DDX18: variants seen among roughly 807,000 people sequenced by gnomAD.
DDX18 encodes DEAD-box helicase 18.
DDX18 carries 23 observed loss-of-function variants against 73.5 expected under a neutral mutation model. The ratio of observed to expected loss-of-function variants is 0.31; its 90% CI spans 0.23 to 0.44. The LOEUF is 0.44. Among genes scored for constraint, DDX18 ranks in the 20% least tolerant of loss-of-function variants. The pLI is 1.00. For synonymous variants in DDX18, 268 were observed against 282.7 expected, an observed-to-expected ratio of 0.95 and a Z score of 0.52; for missense variants, 753 against 792.9, an observed-to-expected ratio of 0.95 and a Z score of 0.60.
At chr2:117,817,783 T>C in intron 2 of DDX18, 55 bp downstream of exon 2, 2 of 1,521,378 alleles carry the variant, frequency 1.3e-6, no homozygotes, top group East Asian at 2.3e-5. Flanking sequence ...AGACGGTTAT[T>C]GTTCCTCTTT....
chr2:117,828,361 T>C (rs545912912), intron 11 of DDX18: 1 of 152,302 alleles, frequency 6.6e-6, no homozygotes, highest in African/African-American at 2.4e-5. Context: ...AGGGCTAATA[T>C]CCAGAATCTA....
rs1309897011 is a variant in DDX18 at position 117,821,216 on chromosome 2, T to G, written c.570T>G (p.Thr190=). 4 of 1,611,552 alleles carry G rather than the reference T, an allele frequency of 2.5e-6. No individual in the cohort carries two copies. The highest frequency in any genetic ancestry group is 2.5e-6 in the Non-Finnish European group (3 of 1,178,912). The part of the protein sequence containing the change: ...ASLCNLVNEN[T]LKAIKEMGFT... ...TATGTAATCTTGTCAATGAAAACAC[T>G]CTGAAGGCAATAAAAGAAATGGGTT... The change falls in exon 4 of 14, where the codon ACT becomes ACG. Residue 190 remains threonine, a synonymous_variant. Coordinates refer to ENST00000263239, the MANE Select transcript of DDX18 (RefSeq NM_006773.4).
chr2:117,819,573 T>C (rs1306901767), intron 2 of DDX18, 76 bp from the exon 3 acceptor site: 5 of 1,256,234 alleles, frequency 4.0e-6, no homozygotes, highest in Non-Finnish European at 5.4e-6. Flanking sequence ...ATATCAGAGA[T>C]CTTCTGTTTG....
chr2:117,815,079 T>C (rs1307038132), intron 1 of DDX18: 3 of 583,364 alleles, frequency 5.1e-6, no homozygotes, highest in Non-Finnish European at 9.2e-6. Flanking sequence ...GAGCAATCAG[T>C]GTCTTCTTAC....
At chr2:117,826,602 C>G (rs1301545947) in intron 11 of DDX18, 1 of 558,390 alleles carries the variant, frequency 1.8e-6, no homozygotes, top group African/African-American at 1.9e-5. Flanking sequence ...CCCAGCAACA[C>G]CTCTGTGTCC....
chr2:117,817,805 G>C, intron 2 of DDX18, 77 bp downstream of exon 2: 1 of 1,434,712 alleles, frequency 7.0e-7, no homozygotes, highest in Non-Finnish European at 9.4e-7. Flanking sequence ...TATTACTATT[G>C]TGTGCACATG....
chr2:117,821,692 G>A lies in DDX18; in HGVS notation c.693G>A (p.Leu231=). Residue 231 remains leucine (L), a synonymous_variant, in exon 5 of 14, where the codon CTG becomes CTA. Transcript: ENST00000263239. ...AAAKTGSGKT[L]AFLIPAVELI... is the part of the protein sequence containing the mutation. ...CAAAAACAGGCAGTGGTAAAACCCT[G>A]GCTTTTCTCATCCCTGCAGTTGAAC... 6.2e-7 allele frequency: 1 copy of A among 1,614,000 alleles called. No individual in the cohort carries two copies. The highest frequency in any genetic ancestry group is 1.1e-5 in the South Asian group (1 of 91,084).
intron 13 of DDX18, 74 bp from the exon 14 acceptor site, chr2:117,830,507 GT>G: frequency 2.0e-6 from 3 of 1,529,784 alleles, no homozygotes; most frequent in Non-Finnish European, 1.8e-6. Flanking sequence ...GTTCATGCCG[GT>G]TTTTTTCTCT....
chr2:117,816,856 G>A (rs1324871119), intron 1 of DDX18, among the ~76,000 whole-genome samples: 1 of 152,176 alleles, frequency 6.6e-6, no homozygotes, highest in Non-Finnish European at 1.5e-5. Flanking sequence ...TTTTAGCTCC[G>A]TTATAATCTT....
chr2:117,829,359 G>C lies in DDX18; in HGVS notation c.1763G>C (p.Arg588Pro). ...CAGGAAGCATATAAGTCATACATACGAGCCTATGATTCCCATTCTCTGAAA... is the reference window on the plus strand; with the variant it reads ...CAGGAAGCATATAAGTCATACATACCAGCCTATGATTCCCATTCTCTGAAA... ...SAQEAYKSYI[R>P]AYDSHSLKQI... Residue 588 changes from arginine (R) to proline (P), a missense_variant, in exon 13 of 14, where the codon CGA (arginine) becomes CCA (proline). Arg to Pro is a moderately radical substitution (Grantham distance 103). This residue lies in a region of DDX18 where 402 missense variants were observed against 419.4 expected (regional missense o/e 0.96). Coordinates refer to ENST00000263239, the MANE Select transcript of DDX18 (RefSeq NM_006773.4). 2 of 1,613,850 alleles carry C rather than the reference G, an allele frequency of 1.2e-6. No individual in the cohort carries two copies. The highest frequency in any genetic ancestry group is 1.7e-6 in the Non-Finnish European group (2 of 1,179,862).
intron 10 of DDX18, chr2:117,825,983 A>G (rs1679918997): frequency 2.4e-6 from 1 of 416,192 alleles, no homozygotes; most frequent in Non-Finnish European, 4.3e-6. Context: ...GATGAAGCAC[A>G]CATAATACTC....
intron 11 of DDX18, 70 bp from the exon 12 acceptor site, chr2:117,828,879 C>T (rs1240463514): frequency 2.7e-6 from 3 of 1,108,226 alleles, no homozygotes; most frequent in South Asian, 2.6e-5. Flanking sequence ...TCATCCTTCC[C>T]TGTCTTCAGT....
chr2:117,830,920 A>C lies in DDX18; in HGVS notation c.*196A>C. 1.6e-6 allele frequency: 1 copy of C among 621,268 alleles called. No homozygotes were observed. The highest frequency in any genetic ancestry group is 2.7e-6 in the Non-Finnish European group (1 of 375,738). The allele number at this position is 621,268 out of a possible 1,614,324, so 38.5% of individuals were successfully genotyped here. On this transcript the variant is annotated 3_prime_UTR_variant, in exon 14 of 14. Coordinates refer to ENST00000263239, the MANE Select transcript of DDX18 (RefSeq NM_006773.4). Reference sequence around the variant, plus strand: ...TTTCTGGGATATAAAACAGGCTTTAAGTTTCTTGGTTGCCCAAGGGCAGAG... The same window carrying C: ...TTTCTGGGATATAAAACAGGCTTTACGTTTCTTGGTTGCCCAAGGGCAGAG...
intron 3 of DDX18, among the ~76,000 whole-genome samples, chr2:117,820,010 C>G (rs889693626): frequency 6.6e-6 from 1 of 152,050 alleles, no homozygotes; most frequent in Non-Finnish European, 1.5e-5. Context: ...TTTGTTCATT[C>G]CTGACACCAA....
At chr2:117,822,101 C>T (rs1679855196) in intron 6 of DDX18, 40 bp downstream of exon 6, 3 of 1,613,750 alleles carry the variant, frequency 1.9e-6, no homozygotes, top group Non-Finnish European at 2.5e-6. Flanking sequence ...TTGTATGAAA[C>T]ATAAACTGAC....
chr2:117,824,473 C>T, intron 7 of DDX18, 96 bp from the exon 8 acceptor site: 1 of 1,115,644 alleles, frequency 9.0e-7, no homozygotes, highest in Middle Eastern at 3.4e-4. Flanking sequence ...TCATATCTCC[C>T]ATTTCTGATA....
At chr2:117,816,200 A>G (rs1399025726) in intron 1 of DDX18, among the ~76,000 whole-genome samples, 2 of 152,230 alleles carry the variant, frequency 1.3e-5, no homozygotes, top group Non-Finnish European at 2.9e-5. Context: ...ACTGTACACT[A>G]TAGACTTTAT....
intron 1 of DDX18, 69 bp downstream of exon 1, chr2:117,814,931 G>A: frequency 6.6e-7 from 1 of 1,508,328 alleles, no homozygotes; most frequent in East Asian, 2.3e-5. Flanking sequence ...GGGCGGCCGG[G>A]GGCCCAGCTG....
rs767124127 is a variant in DDX18, at chr2:117,817,608, A to G, written c.250A>G (p.Thr84Ala). ...AGAAGCAGTGGGAAATATAAAAGTT[A>G]CAAAGTCTCCCCAGAAATCCACTGT... Reference protein sequence around the residue: ...SQEAVGNIKVTKSPQKSTVLT... With the variant: ...SQEAVGNIKVAKSPQKSTVLT... The change falls in exon 2 of 14, where the codon ACA becomes GCA. Residue 84 changes from threonine (T) to alanine (A), a missense_variant. By Grantham distance (58) the Thr-to-Ala change is moderately conservative. This residue lies in a region of DDX18 where 345 missense variants were observed against 352.0 expected (regional missense o/e 0.98). Transcript: ENST00000263239. The G allele has an allele frequency of 4.3e-6, 7 of 1,613,968 alleles. No homozygotes were observed. In the East Asian group the frequency reaches 1.6e-4, roughly 36 times the overall value.
Sources: gnomAD v4.1 joint callset for allele counts (sites outside exome capture counted in the v4.1 genomes callset) on GRCh38, gnomAD v4.1.1 for gene constraint, gnomAD v4.1.1 regional missense constraint, MANE v1.5 for transcripts, NCBI Gene and HGNC (gene_info 2026-07-23, HGNC 2026-07-21) for gene names.